The following PTPN3 variants were observed in gnomAD, a reference collection of about 807,000 sequenced individuals.
PTPN3 encodes protein tyrosine phosphatase non-receptor type 3, also known as tyrosine-protein phosphatase non-receptor type 3.
PTPN3 carries 96 observed loss-of-function variants against 132.7 expected under a neutral mutation model. That is an observed-to-expected ratio of 0.72 (90% confidence interval 0.61 to 0.86). The LOEUF (loss-of-function observed/expected upper bound fraction) is 0.86. Among genes scored for constraint, PTPN3 ranks in the 40% least tolerant of loss-of-function variants. The probability of loss-of-function intolerance (pLI) is 0.00; values close to 1 mark genes in which losing one functional copy is unlikely to be tolerated. For synonymous variants in PTPN3, 398 were observed against 429.0 expected (o/e 0.93, Z 0.89); for missense variants, 1,125 against 1,159.6 (o/e 0.97, Z 0.43).
chr9:109,433,308 C>T (rs1843792987), intron 9 of PTPN3, 147 bp from the exon 10 acceptor site: 5 of 1,317,318 alleles, frequency 3.8e-6, no homozygotes, highest in Middle Eastern at 1.9e-4. Flanking sequence ...AAAAGCCCCA[C>T]TTAACGGATA....
At chr9:109,414,026 T>C (rs576788571) in intron 14 of PTPN3, among the ~76,000 whole-genome samples, 1 of 152,288 alleles carries the variant, frequency 6.6e-6, no homozygotes, top group Non-Finnish European at 1.5e-5. Flanking sequence ...GAGACCCTAG[T>C]GCTCTTTCTG....
At position 109,381,640 on chromosome 9, in the gene PTPN3, A is replaced by ATT; in HGVS notation, c.2664+10_2664+11dup. ...AAGTGCCAGCCACCGTAATTACTGG[A>ATT]TTTCTACTCACTGATGTCTGCACCA... is the stretch of plus-strand genomic sequence containing the variant. On this transcript the variant is annotated intron_variant, in intron 25 of 25. Transcript: ENST00000374541. 1 of 1,613,998 alleles carries ATT rather than the reference A, an allele frequency of 6.2e-7. No individual in the cohort carries two copies. Among genetic ancestry groups the ATT allele is most frequent in the Non-Finnish European group, 8.5e-7 (1 of 1,179,938 alleles).
intron 1 of PTPN3, among the ~76,000 whole-genome samples, chr9:109,493,524 A>C (rs1795315212): frequency 1.3e-5 from 2 of 152,224 alleles, no homozygotes; most frequent in South Asian, 4.1e-4. Flanking sequence ...ATTTTCCAGG[A>C]CTATTCCAAT....
chr9:109,408,845 A>AATAT (rs139812662), intron 16 of PTPN3, among the ~76,000 whole-genome samples: 79 of 119,682 alleles, frequency 6.6e-4, no homozygotes, highest in Middle Eastern at 4.3e-3. Flanking sequence ...TATGGGCTTT[A>AATAT]ATATATATAT....
intron 22 of PTPN3, among the ~76,000 whole-genome samples, chr9:109,384,157 G>A (rs1839362668): frequency 6.6e-6 from 1 of 152,086 alleles, no homozygotes; most frequent in South Asian, 2.1e-4. Flanking sequence ...GGCCGGCGTG[G>A]GTGTGCAGTA....
chr9:109,524,989 G>A, the PTPN3 span, among the ~76,000 whole-genome samples: 2 of 152,072 alleles, frequency 1.3e-5, no homozygotes, highest in Non-Finnish European at 2.9e-5. Context: ...TAAGTGATCC[G>A]CCCACCTTGG....
chr9:109,534,237 G>C, the PTPN3 span: 2 of 1,465,514 alleles, frequency 1.4e-6, no homozygotes, highest in Non-Finnish European at 1.9e-6. Context: ...CTGTGCCGCT[G>C]CCCGTAGTGC....
At chr9:109,467,091 C>A (rs916017258) in intron 1 of PTPN3, among the ~76,000 whole-genome samples, 1 of 152,146 alleles carries the variant, frequency 6.6e-6, no homozygotes, top group African/African-American at 2.4e-5. Context: ...ACCCACCCCA[C>A]CACCTCCGCC....
intron 23 of PTPN3, chr9:109,383,204 T>C: frequency 1.5e-6 from 1 of 667,398 alleles, no homozygotes; most frequent in East Asian, 2.8e-5. Flanking sequence ...TATCCATTCC[T>C]CCATCGATGG....
intron 13 of PTPN3, among the ~76,000 whole-genome samples, chr9:109,421,716 G>A (rs917252854): frequency 1.3e-5 from 2 of 152,202 alleles, no homozygotes; most frequent in South Asian, 4.1e-4. Context: ...ATTCAGTTAC[G>A]TCATGATTTC....
chr9:109,477,620 C>T (rs1438517004), intron 1 of PTPN3, among the ~76,000 whole-genome samples: 1 of 152,228 alleles, frequency 6.6e-6, no homozygotes, highest in African/African-American at 2.4e-5. Flanking sequence ...TGTCTAAAGG[C>T]CCTTCCAGCC....
At chr9:109,515,645 C>G in the PTPN3 span, among the ~76,000 whole-genome samples, 3 of 152,200 alleles carry the variant, frequency 2.0e-5, no homozygotes. Context: ...ATGCCAGCAT[C>G]TGTTCAGCTT....
intron 14 of PTPN3, among the ~76,000 whole-genome samples, chr9:109,415,007 G>A (rs1842359928): frequency 7.2e-6 from 1 of 139,500 alleles, no homozygotes; most frequent in South Asian, 2.5e-4. Context: ...GCCCCATCTA[G>A]TTTCATCTAA....
chr9:109,460,812 T>G (rs553788413), intron 2 of PTPN3, among the ~76,000 whole-genome samples: 1 of 152,220 alleles, frequency 6.6e-6, no homozygotes, highest in Non-Finnish European at 1.5e-5. Flanking sequence ...CCTGCTGGGA[T>G]GTTAGCTTCA....
intron 22 of PTPN3, among the ~76,000 whole-genome samples, chr9:109,387,626 C>G (rs1318711612): frequency 6.6e-6 from 1 of 152,180 alleles, no homozygotes; most frequent in Non-Finnish European, 1.5e-5. Context: ...CACCTCCTTT[C>G]TAGTGATGAG....
chr9:109,435,860 A>G (rs1188567294), intron 9 of PTPN3, among the ~76,000 whole-genome samples: 1 of 152,160 alleles, frequency 6.6e-6, no homozygotes, highest in Non-Finnish European at 1.5e-5. Context: ...ATCTAACACC[A>G]TTTTCCTTCC....
intron 2 of PTPN3, among the ~76,000 whole-genome samples, chr9:109,462,302 C>T (rs1051191050): frequency 1.3e-5 from 2 of 152,250 alleles, no homozygotes; most frequent in African/African-American, 2.4e-5. Context: ...TAAAACTCCA[C>T]GCAAACTGCC....
At chr9:109,530,924 T>G in the PTPN3 span, among the ~76,000 whole-genome samples, 1 of 152,194 alleles carries the variant, frequency 6.6e-6, no homozygotes, top group Admixed American at 6.5e-5. Flanking sequence ...TGTTTTGTTG[T>G]TGTTGTTGAG....
the PTPN3 span, among the ~76,000 whole-genome samples, chr9:109,513,459 C>T: frequency 2.6e-5 from 4 of 152,320 alleles, no homozygotes; most frequent in African/African-American, 9.6e-5. Context: ...CCTGTTCCCC[C>T]CCAGAACACC....
Sources: gnomAD v4.1 joint callset for allele counts (sites outside exome capture counted in the v4.1 genomes callset) on GRCh38, gnomAD v4.1.1 for gene constraint, MANE v1.5 for transcripts, NCBI Gene and HGNC (gene_info 2026-07-23, HGNC 2026-07-21) for gene names.